Variants in PIWIL3 observed in about 807,000 individuals in gnomAD.
PIWIL3 encodes the protein piwi like RNA-mediated gene silencing 3.
Under a neutral mutation model 109.7 loss-of-function variants are expected in PIWIL3, and 101 were observed. The observed-to-expected ratio is 0.92, with a 90% CI of 0.78 to 1.09. The LOEUF (loss-of-function observed/expected upper bound fraction) is 1.09, where lower values mean the gene tolerates loss of function less well. Among genes scored for constraint, PIWIL3 ranks in the 50% least tolerant of loss-of-function variants. PIWIL3 has a pLI of 0.00. For missense variants in PIWIL3, 1,031 were observed against 1,072.6 expected, an observed-to-expected ratio of 0.96 and a Z score of 0.54; for synonymous variants, 373 against 376.4, an observed-to-expected ratio of 0.99 and a Z score of 0.10.
chr22:24,748,770 T>C (rs763475569), intron 12 of PIWIL3, 137 bp downstream of exon 12: 1 of 631,514 alleles, frequency 1.6e-6, no homozygotes, highest in East Asian at 2.9e-5. Flanking sequence ...GTGTTTCTTA[T>C]TGGCTCAATA....
chr22:24,729,745 T>C (rs953463080), intron 14 of PIWIL3, among the ~76,000 whole-genome samples: 2 of 152,240 alleles, frequency 1.3e-5, no homozygotes, highest in African/African-American at 4.8e-5. Flanking sequence ...TGAAAGGGTG[T>C]AGAATTTCAA....
At chr22:24,752,377 G>A (rs80349974) in intron 8 of PIWIL3, among the ~76,000 whole-genome samples, 2,520 of 152,068 alleles carry the variant, frequency 0.017, 38 homozygotes, top group Non-Finnish European at 0.026. Context: ...TATGGTGCCC[G>A]CCCACCAGAT....
rs1295286982 is a variant in PIWIL3, at chr22:24,759,666, C to T, written c.223+203G>A. ...GCCAATAAACAGTGACCTCCATCTC[C>T]CTTCCACAAGTTAAGACACAAGGTG... On this transcript the variant is annotated intron_variant, in intron 3 of 20. Transcript: ENST00000616349. 2.0e-5 allele frequency among the ~76,000 whole-genome samples: 3 copies of T among 152,200 alleles called. No homozygotes were observed. The East Asian group carries it at 5.8e-4, about 29-fold the overall frequency.
At chr22:24,751,631 C>T in intron 8 of PIWIL3, 133 bp from the exon 9 acceptor site, 1 of 1,403,298 alleles carries the variant, frequency 7.1e-7, no homozygotes, top group Non-Finnish European at 9.4e-7. Flanking sequence ...AATTCACATA[C>T]TGTACAACTC....
chr22:24,754,857 T>C lies in PIWIL3; in HGVS notation c.700A>G (p.Lys234Glu). Residue 234 changes from lysine to glutamate, a missense_variant, in exon 7 of 21, where the codon AAG becomes GAG. Coordinates refer to ENST00000616349, the MANE Select transcript of PIWIL3 (RefSeq NM_001255975.1). ...CCAACTTGTTCAAAATCCAGCAGCT[T>C]GAAAGTTCTGGAAATGGAAAGAATA... The part of the protein sequence containing the change: ...YYNILFRRTF[K>E]LLDFEQVGRN... 5.0e-6 allele frequency: 8 copies of C among 1,611,722 alleles called. No individual in the cohort carries two copies. Among genetic ancestry groups the C allele is most frequent in the Non-Finnish European group, 6.8e-6 (8 of 1,177,940 alleles).
intron 18 of PIWIL3, 61 bp from the exon 19 acceptor site, chr22:24,723,316 T>A: frequency 1.3e-6 from 2 of 1,521,978 alleles, no homozygotes; most frequent in Non-Finnish European, 1.8e-6. Flanking sequence ...AAGTACACAG[T>A]GTATTGAAAC....
intron 4 of PIWIL3, 77 bp from the exon 5 acceptor site, chr22:24,756,782 T>A: frequency 1.5e-6 from 2 of 1,313,658 alleles, no homozygotes; most frequent in Non-Finnish European, 2.1e-6. Context: ...ACTACAATAT[T>A]AAAAGCCAAA....
intron 13 of PIWIL3, among the ~76,000 whole-genome samples, chr22:24,734,988 G>C (rs1923576599): frequency 6.6e-6 from 1 of 151,884 alleles, no homozygotes; most frequent in African/African-American, 2.4e-5. Flanking sequence ...ACTACATACT[G>C]TATGAGTCTA....
chr22:24,765,358 C>G (rs5760624), intron 1 of PIWIL3, among the ~76,000 whole-genome samples: 100,888 of 152,042 alleles, frequency 0.66, 33,684 homozygotes, highest in East Asian at 0.75. Flanking sequence ...GCATCTGCTA[C>G]AGTCGTCACT....
chr22:24,764,980 A>G (rs567585800), intron 1 of PIWIL3, among the ~76,000 whole-genome samples: 3 of 152,316 alleles, frequency 2.0e-5, no homozygotes, highest in Admixed American at 6.5e-5. Context: ...ACAAACCAAC[A>G]TCTTTGAGAA....
At chr22:24,762,230 TAAAGCCTCCCC>T in intron 2 of PIWIL3, 157 bp downstream of exon 2, 1 of 1,236,674 alleles carries the variant, frequency 8.1e-7, no homozygotes, top group Non-Finnish European at 1.1e-6. Context: ...TCTGAGTAGA[TAAAGCCTCCCC>T]ATGCTGCCAT....
chr22:24,756,510 G>A lies in PIWIL3; in HGVS notation c.551C>T (p.Ser184Phe), dbSNP rs149745690. Residue 184 changes from serine to phenylalanine, a missense_variant, in exon 5 of 21, where the codon TCT (serine) becomes TTT (phenylalanine). By Grantham distance (155) the Ser-to-Phe change is radical (BLOSUM62 -2). Transcript: ENST00000616349. Reference protein sequence around the residue: ...HIFDGNSLLLSRPLKERRVEW... With the variant: ...HIFDGNSLLLFRPLKERRVEW... ...CTTAACCCGCTCTTTTAGTGGCCGA[G>A]ATAATAATAAAGAGTTTCCATCAAA... is the stretch of plus-strand genomic sequence containing the variant. 1.2e-3 allele frequency: 1,868 copies of A among 1,613,754 alleles called. 18 individuals are homozygous for A. The African/African-American group carries it at 0.021, about 19-fold the overall frequency.
In PIWIL3 at chr22:24,735,747, A is replaced by G. The variant is rs1364737608; in HGVS notation, c.1595T>C (p.Val532Ala). The G allele has an allele frequency of 1.2e-6, 2 of 1,612,354 alleles. No individual in the cohort carries two copies. The highest frequency in any genetic ancestry group is 2.2e-5 in the South Asian group (2 of 90,532). The change falls in exon 13 of 21, where the codon GTC (valine) becomes GCC (alanine). Residue 532 changes from valine to alanine, a missense_variant. Val to Ala is a moderately conservative substitution (Grantham distance 64). Transcript: ENST00000616349. ...AMSLKGHLQS[V>A]TAPMGITMKP... Reference sequence around the variant, plus strand: ...CATAGTTATGCCCATGGGGGCTGTGACACTCTGTAGATGACCCTTTAAGGA... The same window carrying G: ...CATAGTTATGCCCATGGGGGCTGTGGCACTCTGTAGATGACCCTTTAAGGA...
Position 24,751,489 on chromosome 22 carries a change from G to T in PIWIL3, c.987C>A (p.Asn329Lys), listed in dbSNP as rs143850180. The T allele has an allele frequency of 7.0e-4, 1,130 of 1,609,980 alleles. 14 individuals carry two copies. In the African/African-American group the frequency reaches 0.014, roughly 20 times the overall value. Residue 329 changes from asparagine (N) to lysine (K), a missense_variant, in exon 9 of 21, where the codon AAC becomes AAA. Coordinates refer to ENST00000616349, the MANE Select transcript of PIWIL3 (RefSeq NM_001255975.1). ...IGSIVLTKYN[N>K]KTYRVDDIDW... ...CAATATCATCTACTCTGTAGGTTTT[G>T]TTGTTGTATCTGTGGAATAATTACA...
chr22:24,766,018 A>G (rs1031311743), intron 1 of PIWIL3, among the ~76,000 whole-genome samples: 2 of 150,582 alleles, frequency 1.3e-5, no homozygotes, highest in Non-Finnish European at 3.0e-5. Flanking sequence ...TAGGTTATTT[A>G]AAATAAATTC....
intron 9 of PIWIL3, among the ~76,000 whole-genome samples, chr22:24,750,718 C>T (rs111973672): frequency 0.19 from 28,614 of 149,126 alleles, 3,045 homozygotes; most frequent in Admixed American, 0.31. Context: ...GATCTCCTGA[C>T]CTCAGGTGAT....
At chr22:24,724,340 G>C (rs963878488) in intron 18 of PIWIL3, among the ~76,000 whole-genome samples, 1 of 151,744 alleles carries the variant, frequency 6.6e-6, no homozygotes, top group African/African-American at 2.4e-5. Context: ...ACCCAGGTAT[G>C]AGTGCAGTGC....
intron 12 of PIWIL3, among the ~76,000 whole-genome samples, chr22:24,745,839 C>T (rs1924335715): frequency 6.6e-6 from 1 of 151,506 alleles, no homozygotes; most frequent in African/African-American, 2.4e-5. Flanking sequence ...AACTATATGC[C>T]AGTAAATTGG....
Position 24,754,039 on chromosome 22 carries a change from A to G in PIWIL3, c.952T>C (p.Leu318=). The stretch of plus-strand genomic sequence containing the variant: ...TTTGTCAGAACAATTGATCCAATTA[A>G]TTTATTAGTTACTTCCTCTCGGATG... The part of the protein sequence containing the change: ...GNIREEVTNK[L]IGSIVLTKYN... Residue 318 remains leucine (L), a synonymous_variant, in exon 8 of 21, where the codon TTA becomes CTA. Transcript: ENST00000616349. 6.2e-7 allele frequency: 1 copy of G among 1,610,120 alleles called. No homozygotes were observed. The highest frequency in any genetic ancestry group is 1.1e-5 in the South Asian group (1 of 90,982).
Sources: allele counts gnomAD v4.1 joint callset (sites outside exome capture counted in the v4.1 genomes callset), GRCh38; gene constraint gnomAD v4.1.1; transcripts MANE v1.5; gene names NCBI Gene and HGNC (gene_info 2026-07-23, HGNC 2026-07-21).